Variants in TSPAN12 observed in about 807,000 individuals in gnomAD.
TSPAN12 encodes the protein tetraspanin 12.
A neutral mutation model predicts 39.2 loss-of-function variants in TSPAN12; 19 were observed. The observed-to-expected ratio is 0.49, with a 90% confidence interval of 0.34 to 0.71. The LOEUF is 0.71. Ranked by LOEUF, TSPAN12 falls within the 30% of genes least tolerant of loss-of-function variation. The pLI is 0.01. For missense variants in TSPAN12, 314 were observed against 359.9 expected, an observed-to-expected ratio of 0.87 and a Z score of 1.03; for synonymous variants, 119 against 124.8, an observed-to-expected ratio of 0.95 and a Z score of 0.31.
intron 5 of TSPAN12, chr7:120,814,165 T>A: frequency 2.2e-6 from 1 of 456,434 alleles, no homozygotes; most frequent in Non-Finnish European, 4.4e-6. Context: ...AATAGTAGAT[T>A]CACCAAAGAA....
intron 1 of TSPAN12, chr7:120,857,302 G>C (rs1794891501): frequency 2.5e-5 from 5 of 199,600 alleles, no homozygotes; most frequent in Admixed American, 1.6e-4. Flanking sequence ...GACAGTTCCT[G>C]GGCACTCCAA....
intron 4 of TSPAN12, among the ~76,000 whole-genome samples, chr7:120,825,061 G>A (rs1794259330): frequency 6.6e-6 from 1 of 152,044 alleles, no homozygotes; most frequent in South Asian, 2.1e-4. Context: ...AAAGGCAATT[G>A]TTTTCCAAAC....
intron 2 of TSPAN12, among the ~76,000 whole-genome samples, chr7:120,840,472 C>A (rs1034638593): frequency 7.1e-6 from 1 of 141,600 alleles, no homozygotes; most frequent in Admixed American, 7.4e-5. Flanking sequence ...AATACTATTA[C>A]TGAACAATTA....
intron 7 of TSPAN12, among the ~76,000 whole-genome samples, chr7:120,804,974 G>A (rs1793841979): frequency 6.6e-6 from 1 of 151,994 alleles, no homozygotes; most frequent in South Asian, 2.1e-4. Context: ...GCCCTCAGAA[G>A]GAATCAACCC....
At chr7:120,814,147 C>T (rs948542204) in intron 5 of TSPAN12, 1 of 454,896 alleles carries the variant, frequency 2.2e-6, no homozygotes, top group South Asian at 1.6e-5. Context: ...AAAACAGTCT[C>T]GAAGCACAAT....
chr7:120,794,757 G>T (rs1477738228), intron 7 of TSPAN12, among the ~76,000 whole-genome samples: 1 of 123,878 alleles, frequency 8.1e-6, no homozygotes, highest in African/African-American at 2.9e-5. Flanking sequence ...CCAAAGAATA[G>T]CTCTCTTCTT....
chr7:120,827,720 T>C (rs1475290001), intron 4 of TSPAN12, among the ~76,000 whole-genome samples: 4 of 152,232 alleles, frequency 2.6e-5, no homozygotes, highest in African/African-American at 9.6e-5. Flanking sequence ...AGCATATCCA[T>C]TATCTCTAAG....
chr7:120,803,567 C>T (rs1211099497), intron 7 of TSPAN12, among the ~76,000 whole-genome samples: 1 of 152,150 alleles, frequency 6.6e-6, no homozygotes, highest in Non-Finnish European at 1.5e-5. Flanking sequence ...TAATTGCATA[C>T]TGTATAATTA....
intron 7 of TSPAN12, among the ~76,000 whole-genome samples, chr7:120,802,178 A>T (rs970992657): frequency 4.6e-5 from 7 of 152,168 alleles, no homozygotes; most frequent in African/African-American, 9.7e-5. Flanking sequence ...TCTGAGTCTG[A>T]TATTTTGCCA....
intron 7 of TSPAN12, among the ~76,000 whole-genome samples, chr7:120,799,402 T>G (rs1793695376): frequency 7.0e-6 from 1 of 142,242 alleles, no homozygotes; most frequent in South Asian, 2.1e-4. Flanking sequence ...ATTTATTATA[T>G]TAAATATTTA....
intron 2 of TSPAN12, among the ~76,000 whole-genome samples, chr7:120,847,859 CCATTTAT>C (rs1466419731): frequency 6.6e-6 from 1 of 152,174 alleles, no homozygotes. Context: ...TCTTCAACTA[CCATTTAT>C]TTCGTCTTCC....
intron 4 of TSPAN12, among the ~76,000 whole-genome samples, chr7:120,834,526 T>G (rs923901296): frequency 1.3e-5 from 2 of 152,208 alleles, no homozygotes; most frequent in Admixed American, 1.3e-4. Flanking sequence ...GATCAGTCTG[T>G]TGAATAATGG....
intron 4 of TSPAN12, among the ~76,000 whole-genome samples, chr7:120,836,102 C>A (rs73721472): frequency 1.3e-5 from 2 of 152,008 alleles, no homozygotes; most frequent in South Asian, 2.1e-4. Context: ...CAGAGGAGGA[C>A]AGAAAAGAGA....
rs1793935166 is a variant in TSPAN12 at position 120,809,398 on chromosome 7, A to T, written c.468+1065T>A. On this transcript the variant is annotated intron_variant, in intron 6 of 7. Transcript: ENST00000222747. ...TTCTCTTTGTGTTGTTTTTAGCACA[A>T]ATATACAATAAATAAACAAAGTTAG... Among the ~76,000 whole-genome samples, 2 of 152,168 alleles carry T rather than the reference A, an allele frequency of 1.3e-5. 1 individual carries two copies. Among genetic ancestry groups the T allele is most frequent in the Admixed American group, 1.3e-4 (2 of 15,254 alleles).
At chr7:120,837,478 AT>A (rs1584947720) in intron 4 of TSPAN12, among the ~76,000 whole-genome samples, 1 of 151,632 alleles carries the variant, frequency 6.6e-6, no homozygotes, top group African/African-American at 2.4e-5. Context: ...TGCCCGGCTA[AT>A]TTTTTTGTAT....
chr7:120,812,690 G>A (rs1794005587), intron 5 of TSPAN12, among the ~76,000 whole-genome samples: 2 of 151,908 alleles, frequency 1.3e-5, no homozygotes, highest in South Asian at 4.2e-4. Flanking sequence ...TGTACTTTGT[G>A]TTCATATGCC....
chr7:120,788,576 T>A lies in TSPAN12; in HGVS notation c.*16A>T, dbSNP rs1033410321. ...CAGTAAAACAAGTTTGTGGTTTTCT[T>A]CTGTGACATTTCTTTTTATAACTCC... On this transcript the variant is annotated 3_prime_UTR_variant, in exon 8 of 8. Transcript: ENST00000222747. 2 of 1,613,992 alleles carry A rather than the reference T, an allele frequency of 1.2e-6. No individual in the cohort carries two copies. The highest frequency in any genetic ancestry group is 2.7e-5 in the African/African-American group (2 of 74,944).
At chr7:120,831,673 T>A (rs901067558) in intron 4 of TSPAN12, among the ~76,000 whole-genome samples, 1 of 152,022 alleles carries the variant, frequency 6.6e-6, no homozygotes, top group Admixed American at 6.6e-5. Context: ...GAAAGGATGA[T>A]TAATGGGTAC....
chr7:120,815,193 G>A (rs1414316975), intron 5 of TSPAN12, among the ~76,000 whole-genome samples: 1 of 152,118 alleles, frequency 6.6e-6, no homozygotes, highest in Non-Finnish European at 1.5e-5. Context: ...ATGTGCTTTA[G>A]ACACAGAAAA....
Sources: gnomAD v4.1 joint callset for allele counts (sites outside exome capture counted in the v4.1 genomes callset) on GRCh38, gnomAD v4.1.1 for gene constraint, MANE v1.5 for transcripts, NCBI Gene and HGNC (gene_info 2026-07-23, HGNC 2026-07-21) for gene names.